The following DMD variants were observed in gnomAD, a reference collection of about 807,000 sequenced individuals.
The protein encoded by DMD is mutant dystrophin.
In DMD, 63 loss-of-function variants were observed where a neutral mutation model predicts 330.1. The ratio of observed to expected loss-of-function variants is 0.19; its 90% CI spans 0.16 to 0.24. DMD has a LOEUF of 0.24. DMD is among the 10% of genes least tolerant of loss of function. The pLI is 1.00. For synonymous variants in DMD, 1,223 were observed against 959.8 expected (o/e 1.27, Z -5.07); for missense variants, 3,344 against 2,684.1 (o/e 1.25, Z -5.43).
intron 43 of DMD, among the ~76,000 whole-genome samples, chrX:32,240,287 G>T (rs765445622): frequency 2.7e-5 from 3 of 111,824 alleles, no homozygotes; most frequent in African/African-American, 6.5e-5. Flanking sequence ...CACCCTCAAG[G>T]TGATGACATT....
intron 26 of DMD, among the ~76,000 whole-genome samples, chrX:32,449,388 A>C (rs747643378): frequency 9.2e-6 from 1 of 108,990 alleles, no homozygotes; most frequent in Admixed American, 9.8e-5. Flanking sequence ...AACGCCCAAC[A>C]CTCTCCTATC....
intron 1 of DMD, among the ~76,000 whole-genome samples, chrX:33,074,949 C>T (rs2148189984): frequency 9.0e-6 from 1 of 111,605 alleles, no homozygotes; most frequent in South Asian, 3.8e-4. Flanking sequence ...GACAATAGCC[C>T]TTCCCCAAAA....
At chrX:33,058,038 A>T (rs2148104) in intron 1 of DMD, among the ~76,000 whole-genome samples, 30,469 of 107,715 alleles carry the variant, frequency 0.28, 3,542 homozygotes, top group East Asian at 0.72. Flanking sequence ...GCCACCACAC[A>T]CGGCTAATTT....
chrX:32,884,557 G>C (rs1047947216), intron 2 of DMD, among the ~76,000 whole-genome samples: 1 of 111,227 alleles, frequency 9.0e-6, no homozygotes, highest in African/African-American at 3.3e-5. Context: ...ATTTGAACAA[G>C]TTGCACCAAG....
At chrX:32,827,710 G>C (rs921887296) in intron 4 of DMD, among the ~76,000 whole-genome samples, 1 of 104,194 alleles carries the variant, frequency 9.6e-6, no homozygotes, top group Admixed American at 1.1e-4. Flanking sequence ...GCCCAGACTG[G>C]AGTGCAGTGG....
intron 47 of DMD, among the ~76,000 whole-genome samples, chrX:31,925,144 C>T (rs1432117497): frequency 3.6e-5 from 4 of 111,299 alleles, no homozygotes; most frequent in Non-Finnish European, 7.5e-5. Flanking sequence ...TCAAAAAGGG[C>T]AAAAACCAAA....
chrX:32,501,974 T>C (rs2044103685), intron 18 of DMD, 132 bp from the exon 19 acceptor site: 1 of 506,282 alleles, frequency 2.0e-6, no homozygotes, highest in Non-Finnish European at 3.4e-6. Context: ...ATCTAAAGAC[T>C]TTTTCTCAAC....
chrX:32,015,765 T>C (rs1422940483), intron 44 of DMD, among the ~76,000 whole-genome samples: 2 of 112,120 alleles, frequency 1.8e-5, no homozygotes, highest in South Asian at 7.4e-4. Flanking sequence ...TCTACTTGGA[T>C]GCACAGCTGC....
chrX:31,472,247 T>C (rs1010439207), intron 59 of DMD, among the ~76,000 whole-genome samples: 2 of 112,313 alleles, frequency 1.8e-5, no homozygotes, highest in Non-Finnish European at 3.8e-5. Context: ...TTTTGAATGA[T>C]TTTTAGGATC....
chrX:32,713,692 G>A (rs941444501), intron 7 of DMD, among the ~76,000 whole-genome samples: 2 of 111,453 alleles, frequency 1.8e-5, no homozygotes, highest in East Asian at 2.8e-4. Context: ...TCTATTTATT[G>A]CTAGGGTTCT....
intron 7 of DMD, among the ~76,000 whole-genome samples, chrX:32,743,671 T>A (rs776812418): frequency 1.1e-4 from 12 of 110,719 alleles, no homozygotes; most frequent in Non-Finnish European, 1.7e-4. Flanking sequence ...ATGTGTTCAG[T>A]GGGTGAGGAA....
intron 60 of DMD, among the ~76,000 whole-genome samples, chrX:31,400,740 T>C (rs1164566562): frequency 8.9e-6 from 1 of 112,158 alleles, no homozygotes; most frequent in African/African-American, 3.2e-5. Flanking sequence ...CACAGTGGGA[T>C]ATATAACAGT....
At chrX:32,360,651 A>T in intron 37 of DMD, among the ~76,000 whole-genome samples, 1 of 108,337 alleles carries the variant, frequency 9.2e-6, no homozygotes, top group Non-Finnish European at 1.9e-5. Context: ...GCCAGGTGTC[A>T]CGGCGCCCGC....
At chrX:32,324,869 T>G (rs1014969857) in intron 41 of DMD, among the ~76,000 whole-genome samples, 1 of 111,610 alleles carries the variant, frequency 9.0e-6, no homozygotes, top group Non-Finnish European at 1.9e-5. Flanking sequence ...AAAAATTACA[T>G]AGAGAGGAAA....
intron 9 of DMD, among the ~76,000 whole-genome samples, chrX:32,649,454 G>A (rs1416566930): frequency 9.3e-6 from 1 of 107,964 alleles, no homozygotes; most frequent in Non-Finnish European, 1.9e-5. Flanking sequence ...TCGGGAGGCT[G>A]AGGTAGGAGG....
intron 30 of DMD, among the ~76,000 whole-genome samples, chrX:32,403,848 T>G (rs983634746): frequency 7.1e-5 from 8 of 112,085 alleles, no homozygotes; most frequent in Non-Finnish European, 1.3e-4. Flanking sequence ...ATTTTTTTCT[T>G]CTTTGACTAA....
At chrX:31,601,842 T>C (rs2077382157) in intron 55 of DMD, among the ~76,000 whole-genome samples, 1 of 111,093 alleles carries the variant, frequency 9.0e-6, no homozygotes, top group Admixed American at 9.6e-5. Flanking sequence ...ACAAAAATCA[T>C]ATCGGTTTCT....
At chrX:31,482,237 G>GTGT (rs200268849) in intron 57 of DMD, among the ~76,000 whole-genome samples, 20 of 94,095 alleles carry the variant, frequency 2.1e-4, no homozygotes, top group African/African-American at 7.7e-4. Flanking sequence ...GTGTGTGTGT[G>GTGT]GGGGGGGTGT....
rs2032234084 is a variant in DMD, at chrX:31,120,564, A to G, written c.*1355T>C. 8.9e-6 allele frequency: 1 copy of G among 112,173 alleles called. No individual in the cohort carries two copies. Among genetic ancestry groups the G allele is most frequent in the Non-Finnish European group, 1.9e-5 (1 of 53,250 alleles). 9.2% of individuals were successfully genotyped at this position (112,173 alleles called of 1,213,427 possible). Reference sequence around the variant, plus strand: ...ATGGGACAATAAATCTAAAAAAGCAACAAAAACCAAACCACCCAGTTCCTT... The same window carrying G: ...ATGGGACAATAAATCTAAAAAAGCAGCAAAAACCAAACCACCCAGTTCCTT... On this transcript the variant is annotated 3_prime_UTR_variant, in exon 79 of 79. Coordinates refer to ENST00000357033, the MANE Select transcript of DMD (RefSeq NM_004006.3).
Sources: allele counts gnomAD v4.1 joint callset (sites outside exome capture counted in the v4.1 genomes callset), GRCh38; gene constraint gnomAD v4.1.1; transcripts MANE v1.5; gene names NCBI Gene and HGNC (gene_info 2026-07-23, HGNC 2026-07-21).